ADGB: variants seen among roughly 807,000 people sequenced by gnomAD.
ADGB encodes androglobin, also known as calpain-7-like protein.
Under a neutral mutation model 210.5 loss-of-function variants are expected in ADGB, and 172 were observed. That is an observed-to-expected ratio of 0.82 (90% confidence interval 0.72 to 0.93). ADGB has a LOEUF of 0.93. Ranked by LOEUF, ADGB falls within the 40% of genes least tolerant of loss-of-function variation. The pLI is 0.00. For synonymous variants in ADGB, 658 were observed against 662.7 expected (o/e 0.99, Z 0.11); for missense variants, 2,025 against 1,964.8 (o/e 1.03, Z -0.58).
intron 2 of ADGB, among the ~76,000 whole-genome samples, chr6:146,639,465 A>G (rs74336162): frequency 0.015 from 2,234 of 152,100 alleles, 61 homozygotes; most frequent in African/African-American, 0.052. Context: ...AAACTGGCAC[A>G]TTACAAAGAT....
intron 29 of ADGB, among the ~76,000 whole-genome samples, chr6:146,772,135 A>G (rs1452652589): frequency 1.3e-5 from 2 of 152,152 alleles, no homozygotes; most frequent in Non-Finnish European, 2.9e-5. Context: ...CATAAATCAT[A>G]AAAGGAAAAC....
At chr6:146,599,636 A>G (rs373859252) in intron 1 of ADGB, among the ~76,000 whole-genome samples, 1 of 152,208 alleles carries the variant, frequency 6.6e-6, no homozygotes, top group East Asian at 1.9e-4. Context: ...TTATAAATGT[A>G]TAGTTCATGT....
At chr6:146,777,377 AT>A (rs1777735261) in intron 29 of ADGB, among the ~76,000 whole-genome samples, 1 of 152,048 alleles carries the variant, frequency 6.6e-6, no homozygotes, top group African/African-American at 2.4e-5. Flanking sequence ...TTATTTAAAT[AT>A]TTTCCCCTCA....
At chr6:146,815,007 T>G in intron 35 of ADGB, 25 bp from the exon 36 acceptor site, 1 of 1,520,672 alleles carries the variant, frequency 6.6e-7, no homozygotes, top group Non-Finnish European at 8.8e-7. Flanking sequence ...GGAACTTATT[T>G]GTTTGGGGTT....
intron 1 of ADGB, chr6:146,600,445 G>A: frequency 6.0e-6 from 1 of 167,716 alleles, no homozygotes; most frequent in South Asian, 1.2e-4. Flanking sequence ...CCCACCGCAG[G>A]GCCTTTGCAC....
intron 31 of ADGB, 53 bp downstream of exon 31, chr6:146,784,847 T>C: frequency 6.7e-7 from 1 of 1,484,720 alleles, no homozygotes; most frequent in East Asian, 2.5e-5. Context: ...TTAGGCATGC[T>C]CTGAAAAAAA....
chr6:146,691,426 A>ATT (rs1562275481), intron 11 of ADGB, 136 bp downstream of exon 11: 7 of 19,230 alleles, frequency 3.6e-4, no homozygotes, highest in Non-Finnish European at 6.3e-4. Flanking sequence ...ATATATATAT[A>ATT]TATATATATA....
chr6:146,610,653 G>A (rs1426649509), intron 1 of ADGB, among the ~76,000 whole-genome samples: 1 of 152,180 alleles, frequency 6.6e-6, no homozygotes, highest in Non-Finnish European at 1.5e-5. Flanking sequence ...CTAACCCTGG[G>A]TGGCTGGGAC....
At chr6:146,623,207 T>C (rs570007979) in intron 1 of ADGB, among the ~76,000 whole-genome samples, 1 of 152,064 alleles carries the variant, frequency 6.6e-6, no homozygotes, top group Admixed American at 6.6e-5. Context: ...TGTCAAATTC[T>C]TTATATTAAA....
chr6:146,797,310 G>T (rs1778059007), intron 33 of ADGB, among the ~76,000 whole-genome samples: 2 of 152,126 alleles, frequency 1.3e-5, no homozygotes, highest in East Asian at 1.9e-4. Flanking sequence ...AGAACTAAAA[G>T]TAGAACTACC....
Position 146,746,031 on chromosome 6 carries a change from G to A in ADGB, c.3287G>A (p.Arg1096Gln), listed in dbSNP as rs773356975. The change falls in exon 26 of 36, where the codon CGA becomes CAA. Residue 1096 changes from arginine (R) to glutamine (Q), a missense_variant. Transcript: ENST00000397944. ...TCTGCTCCACTGCCATGCCTCTCTCGAGACTCTCCATGCAATTCCTTTGCC... is the reference window on the plus strand; with the variant it reads ...TCTGCTCCACTGCCATGCCTCTCTCAAGACTCTCCATGCAATTCCTTTGCC... ...GSSAPLPCLSRDSPCNSFAIK... is the reference protein window; with the variant it reads ...GSSAPLPCLSQDSPCNSFAIK... 68 of 1,551,016 alleles carry A rather than the reference G, an allele frequency of 4.4e-5. No individual in the cohort carries two copies. The highest frequency in any genetic ancestry group is 3.3e-4 in the Middle Eastern group (2 of 6,014).
chr6:146,732,918 A>G (rs542835303), intron 20 of ADGB, among the ~76,000 whole-genome samples: 2 of 152,270 alleles, frequency 1.3e-5, no homozygotes, highest in South Asian at 4.1e-4. Flanking sequence ...TAGTGATTAC[A>G]TTTTGTTAAA....
intron 2 of ADGB, among the ~76,000 whole-genome samples, chr6:146,636,910 G>A (rs578262770): frequency 2.2e-4 from 34 of 152,078 alleles, no homozygotes; most frequent in African/African-American, 7.9e-4. Context: ...CTAGACATGA[G>A]GCTAGTCATC....
chr6:146,686,528 ATTG>A (rs1450992400), intron 10 of ADGB, among the ~76,000 whole-genome samples: 2 of 152,092 alleles, frequency 1.3e-5, no homozygotes, highest in African/African-American at 4.8e-5. Flanking sequence ...TTCACAAGAT[ATTG>A]TTAACATTTT....
At chr6:146,734,721 G>A (rs1179887758) in intron 22 of ADGB, among the ~76,000 whole-genome samples, 2 of 152,046 alleles carry the variant, frequency 1.3e-5, no homozygotes. Context: ...ACCAGCCTGG[G>A]CAACATGGGG....
At chr6:146,685,047 G>A (rs111334708) in intron 9 of ADGB, among the ~76,000 whole-genome samples, 3,486 of 151,960 alleles carry the variant, frequency 0.023, 114 homozygotes, top group African/African-American at 0.077. Flanking sequence ...CAGTATGTAC[G>A]TTTGTAAAAA....
At chr6:146,783,437 C>T (rs1359343223) in intron 30 of ADGB, among the ~76,000 whole-genome samples, 3 of 152,120 alleles carry the variant, frequency 2.0e-5, no homozygotes, top group African/African-American at 7.2e-5. Context: ...TACAAGAAGA[C>T]CTCCCTTAGT....
At chr6:146,779,246 T>A (rs1489602533) in intron 29 of ADGB, among the ~76,000 whole-genome samples, 2 of 152,176 alleles carry the variant, frequency 1.3e-5, no homozygotes, top group African/African-American at 4.8e-5. Context: ...TGCAGAGCTT[T>A]CTCCACAAAA....
At chr6:146,800,354 T>C (rs540023992) in intron 33 of ADGB, among the ~76,000 whole-genome samples, 52 of 152,260 alleles carry the variant, frequency 3.4e-4, no homozygotes, top group African/African-American at 1.3e-3. Context: ...TGCCCGGAGT[T>C]TGTGGTGAGA....
Sources: allele counts gnomAD v4.1 joint callset (sites outside exome capture counted in the v4.1 genomes callset), GRCh38; gene constraint gnomAD v4.1.1; transcripts MANE v1.5; gene names NCBI Gene and HGNC (gene_info 2026-07-23, HGNC 2026-07-21).